Variants in PLCXD3 observed in about 807,000 individuals in gnomAD.
The protein encoded by PLCXD3 is phosphatidylinositol specific phospholipase C X domain containing 3.
PLCXD3 carries 19 observed loss-of-function variants against 25.5 expected under a neutral mutation model. The ratio of observed to expected loss-of-function variants is 0.75; its 90% confidence interval spans 0.52 to 1.09. PLCXD3 has a LOEUF of 1.09. PLCXD3 is among the 50% of genes least tolerant of loss of function. The pLI is 0.00. For missense variants in PLCXD3, 411 were observed against 388.1 expected, an observed-to-expected ratio of 1.06 and a Z score of -0.50; for synonymous variants, 174 against 137.6, an observed-to-expected ratio of 1.26 and a Z score of -1.85.
At chr5:41,381,268 A>G (rs867156427) in intron 2 of PLCXD3, among the ~76,000 whole-genome samples, 20 of 152,176 alleles carry the variant, frequency 1.3e-4, no homozygotes, top group Admixed American at 3.3e-4. Flanking sequence ...AAAGACAACT[A>G]GACATGGAGT....
chr5:41,433,723 A>G (rs1452631562), intron 1 of PLCXD3, among the ~76,000 whole-genome samples: 2 of 152,246 alleles, frequency 1.3e-5, no homozygotes, highest in African/African-American at 2.4e-5. Context: ...GCATGGATGC[A>G]GCCTTGCTCA....
Position 41,310,838 on chromosome 5 carries a change from A to G in PLCXD3, c.*2779T>C, listed in dbSNP as rs1215462578. ...GGCACTGTATGTCCACATGGAAACC[A>G]TAGCATTGGCTTGAAACTGCCTTTT... is the stretch of plus-strand genomic sequence containing the variant. On this transcript the variant is annotated 3_prime_UTR_variant, in exon 3 of 3. Transcript: ENST00000377801. The G allele has an allele frequency of 1.3e-5, 2 of 152,654 alleles. No homozygotes were observed. Among genetic ancestry groups the G allele is most frequent in the South Asian group, 2.1e-4 (1 of 4,836 alleles). The allele number at this position is 152,654 out of a possible 1,614,324, so 9.5% of individuals were successfully genotyped here.
At chr5:41,483,353 C>T (rs1009668712) in intron 1 of PLCXD3, among the ~76,000 whole-genome samples, 8 of 152,128 alleles carry the variant, frequency 5.3e-5, no homozygotes, top group Middle Eastern at 3.4e-3. Flanking sequence ...AATATTGGAC[C>T]GGATGCGAAA....
intron 1 of PLCXD3, among the ~76,000 whole-genome samples, chr5:41,418,762 C>G (rs1425734870): frequency 3.9e-5 from 6 of 152,162 alleles, no homozygotes; most frequent in Non-Finnish European, 8.8e-5. Context: ...CATAAACTAT[C>G]CTAATTGTTT....
At chr5:41,398,561 G>C (rs1379567593) in intron 1 of PLCXD3, among the ~76,000 whole-genome samples, 1 of 152,062 alleles carries the variant, frequency 6.6e-6, no homozygotes, top group Non-Finnish European at 1.5e-5. Flanking sequence ...CTGAGATGAA[G>C]TATAGTTCAA....
Position 41,444,492 on chromosome 5 carries a change from T to G in PLCXD3, c.104-61958A>C, listed in dbSNP as rs183384484. 3.7e-3 allele frequency among the ~76,000 whole-genome samples: 560 copies of G among 152,320 alleles called. 20 individuals carry two copies. Among genetic ancestry groups the G allele is most frequent in the Admixed American group, 0.034 (524 of 15,286 alleles). ...GTCTGCCAAGAACAACCTACTTATC[T>G]GTAATTGATTTAAATTCCTCCTGCT... On this transcript the variant is annotated intron_variant, in intron 1 of 2. Transcript: ENST00000377801.
At chr5:41,331,243 C>A (rs1297703372) in intron 2 of PLCXD3, among the ~76,000 whole-genome samples, 1 of 152,088 alleles carries the variant, frequency 6.6e-6, no homozygotes, top group African/African-American at 2.4e-5. Flanking sequence ...GCAACTTCAG[C>A]AAAGTCTCAG....
intron 2 of PLCXD3, among the ~76,000 whole-genome samples, chr5:41,355,635 G>A (rs1245497005): frequency 2.6e-5 from 4 of 152,136 alleles, no homozygotes; most frequent in Non-Finnish European, 5.9e-5. Flanking sequence ...TTTTGTAACT[G>A]CTTTGACACA....
Position 41,344,224 on chromosome 5 carries a change from T to C in PLCXD3, c.813-30454A>G, listed in dbSNP as rs190444444. ...CAGAATAGAAGAAGACAAAAGATAG[T>C]TTGTCCAATATTTTGTTGACATATT... On this transcript the variant is annotated intron_variant, in intron 2 of 2. Coordinates refer to ENST00000377801, the MANE Select transcript of PLCXD3 (RefSeq NM_001005473.3). Among the ~76,000 whole-genome samples, 1,112 of 152,254 alleles carry C rather than the reference T, an allele frequency of 7.3e-3. 6 individuals are homozygous for C. The highest frequency in any genetic ancestry group is 0.011 in the Non-Finnish European group (773 of 67,960).
intron 2 of PLCXD3, among the ~76,000 whole-genome samples, chr5:41,327,468 C>T (rs1302186957): frequency 1.3e-5 from 2 of 152,138 alleles, no homozygotes; most frequent in Non-Finnish European, 1.5e-5. Context: ...TTTTCTTCAC[C>T]TATAAATAAA....
chr5:41,462,160 A>G (rs184051921), intron 1 of PLCXD3, among the ~76,000 whole-genome samples: 5 of 152,162 alleles, frequency 3.3e-5, no homozygotes, highest in Admixed American at 3.3e-4. Context: ...GCCACATCAT[A>G]TAGTTGCATA....
At chr5:41,445,915 C>T (rs1285969268) in intron 1 of PLCXD3, among the ~76,000 whole-genome samples, 1 of 151,834 alleles carries the variant, frequency 6.6e-6, no homozygotes, top group African/African-American at 2.4e-5. Context: ...AGGCCGGGCG[C>T]GGTGGCTCAC....
At chr5:41,341,418 T>C (rs890693366) in intron 2 of PLCXD3, among the ~76,000 whole-genome samples, 1 of 152,204 alleles carries the variant, frequency 6.6e-6, no homozygotes, top group African/African-American at 2.4e-5. Flanking sequence ...TCATGATTAC[T>C]AGGAAGCTTA....
chr5:41,510,396 G>T (rs754178246), intron 1 of PLCXD3, 28 bp downstream of exon 1: 11 of 1,571,610 alleles, frequency 7.0e-6, no homozygotes, highest in Admixed American at 1.8e-5. Flanking sequence ...GGCGCCGAGC[G>T]CCTAGCCCGC....
chr5:41,385,332 C>T (rs985083643), intron 1 of PLCXD3, among the ~76,000 whole-genome samples: 7 of 151,992 alleles, frequency 4.6e-5, no homozygotes, highest in African/African-American at 1.4e-4. Context: ...ATATCTTGGA[C>T]CTGGTACTTA....
intron 1 of PLCXD3, among the ~76,000 whole-genome samples, chr5:41,423,003 A>C (rs79845702): frequency 0.043 from 6,607 of 152,120 alleles, 190 homozygotes; most frequent in Non-Finnish European, 0.061. Context: ...AAAAGTATTA[A>C]TTTTTTAAAA....
At chr5:41,351,651 TA>T (rs1346991794) in intron 2 of PLCXD3, among the ~76,000 whole-genome samples, 1 of 152,216 alleles carries the variant, frequency 6.6e-6, no homozygotes, top group African/African-American at 2.4e-5. Context: ...GAAGTTTCTA[TA>T]AGAAGAGTGA....
intron 1 of PLCXD3, among the ~76,000 whole-genome samples, chr5:41,453,996 C>G (rs1747695651): frequency 6.6e-6 from 1 of 151,816 alleles, no homozygotes; most frequent in South Asian, 2.1e-4. Flanking sequence ...AGAAAAATAC[C>G]TTTTTTTGGC....
intron 1 of PLCXD3, among the ~76,000 whole-genome samples, chr5:41,455,195 A>G (rs1054069371): frequency 3.3e-5 from 5 of 151,926 alleles, no homozygotes; most frequent in Non-Finnish European, 7.4e-5. Context: ...CCTGCCAGCA[A>G]CTTGATTTTA....
Sources: allele counts gnomAD v4.1 joint callset (sites outside exome capture counted in the v4.1 genomes callset), GRCh38; gene constraint gnomAD v4.1.1; transcripts MANE v1.5; gene names NCBI Gene and HGNC (gene_info 2026-07-23, HGNC 2026-07-21).